Variants in LAMA2 observed in about 807,000 individuals in gnomAD.
LAMA2 encodes the protein laminin subunit alpha-2.
LAMA2 carries 269 observed loss-of-function variants against 364.8 expected under a neutral mutation model. That is an observed-to-expected ratio of 0.74 (90% CI 0.67 to 0.82). The LOEUF is 0.82. Ranked by LOEUF, LAMA2 falls within the 40% of genes least tolerant of loss-of-function variation. The pLI is 0.00. For synonymous variants in LAMA2, 1,379 were observed against 1,370.6 expected (o/e 1.01, Z -0.14); for missense variants, 3,807 against 3,873.2 (o/e 0.98, Z 0.45).
chr6:128,923,659 A>C (rs1272674708), intron 1 of LAMA2, among the ~76,000 whole-genome samples: 4 of 152,190 alleles, frequency 2.6e-5, no homozygotes, highest in Admixed American at 6.5e-5. Context: ...TCTCAATATC[A>C]CTGCTAATTC....
chr6:129,417,174 G>A (rs1480037159), intron 40 of LAMA2, among the ~76,000 whole-genome samples: 1 of 152,068 alleles, frequency 6.6e-6, no homozygotes, highest in Non-Finnish European at 1.5e-5. Flanking sequence ...TTTGCGGGGG[G>A]GTCCCAAGTT....
intron 1 of LAMA2, among the ~76,000 whole-genome samples, chr6:128,911,300 G>A (rs150911283): frequency 3.3e-5 from 5 of 152,288 alleles, no homozygotes; most frequent in South Asian, 2.1e-4. Flanking sequence ...CTCCGTGGGC[G>A]TAGTACCTTC....
intron 15 of LAMA2, among the ~76,000 whole-genome samples, chr6:129,262,878 C>T (rs984249386): frequency 1.3e-5 from 2 of 152,134 alleles, no homozygotes; most frequent in Admixed American, 6.6e-5. Flanking sequence ...AAAAAAGGAT[C>T]AAATGACTCC....
intron 1 of LAMA2, among the ~76,000 whole-genome samples, chr6:128,910,212 G>C (rs201971829): frequency 7.4e-3 from 1,009 of 136,726 alleles, no homozygotes; most frequent in South Asian, 8.9e-3. Flanking sequence ...AGTTCTCCTG[G>C]ATAATATCCT....
At chr6:129,429,711 C>G (rs1389147580) in intron 41 of LAMA2, among the ~76,000 whole-genome samples, 4 of 152,196 alleles carry the variant, frequency 2.6e-5, no homozygotes, top group Admixed American at 2.0e-4. Context: ...GTCACTCCTT[C>G]CTATCTCATA....
At chr6:129,054,728 T>C (rs1000594426) in intron 2 of LAMA2, among the ~76,000 whole-genome samples, 6 of 148,554 alleles carry the variant, frequency 4.0e-5, no homozygotes, top group Non-Finnish European at 5.9e-5. Context: ...TATACACATA[T>C]AAGTATAAAT....
intron 34 of LAMA2, among the ~76,000 whole-genome samples, chr6:129,374,057 G>A (rs1449979971): frequency 6.6e-6 from 1 of 152,156 alleles, no homozygotes; most frequent in Non-Finnish European, 1.5e-5. Flanking sequence ...GGGAGGAAAT[G>A]TAAATACTCA....
At chr6:129,460,400 A>T (rs1249101399) in intron 49 of LAMA2, 76 bp downstream of exon 49, 1 of 1,407,644 alleles carries the variant, frequency 7.1e-7, no homozygotes, top group Non-Finnish European at 1.0e-6. Context: ...ATAATATTCT[A>T]TTATCATGTG....
At chr6:129,337,885 T>C (rs1040887370) in intron 29 of LAMA2, among the ~76,000 whole-genome samples, 2 of 152,126 alleles carry the variant, frequency 1.3e-5, no homozygotes, top group African/African-American at 4.8e-5. Flanking sequence ...GAAAAAATAC[T>C]ATGTACACTA....
chr6:129,118,833 G>C (rs1433971612), intron 4 of LAMA2, among the ~76,000 whole-genome samples: 2 of 152,202 alleles, frequency 1.3e-5, no homozygotes, highest in African/African-American at 2.4e-5. Flanking sequence ...AGAAGGCAAA[G>C]CTGGGACCCT....
At chr6:128,906,005 G>A (rs1393024201) in intron 1 of LAMA2, among the ~76,000 whole-genome samples, 1 of 150,080 alleles carries the variant, frequency 6.7e-6, no homozygotes. Flanking sequence ...TGGTGTATAT[G>A]TGCCACATTT....
chr6:129,012,374 G>A (rs1048303150), intron 1 of LAMA2, among the ~76,000 whole-genome samples: 3 of 152,080 alleles, frequency 2.0e-5, no homozygotes, highest in Admixed American at 6.5e-5. Context: ...AAATAACCCC[G>A]AACTCCTATA....
At chr6:129,489,545 A>C (rs1784758162) in intron 56 of LAMA2, among the ~76,000 whole-genome samples, 1 of 152,224 alleles carries the variant, frequency 6.6e-6, no homozygotes, top group Non-Finnish European at 1.5e-5. Flanking sequence ...TACTTAAGCA[A>C]ATAGGACAAG....
At chr6:129,382,453 A>G (rs557635345) in intron 34 of LAMA2, among the ~76,000 whole-genome samples, 12 of 152,114 alleles carry the variant, frequency 7.9e-5, no homozygotes, top group South Asian at 2.1e-4. Flanking sequence ...ACTCTTTGGG[A>G]GGTGGGGCTG....
intron 51 of LAMA2, among the ~76,000 whole-genome samples, chr6:129,466,667 A>C (rs1330438371): frequency 6.6e-6 from 1 of 151,920 alleles, no homozygotes; most frequent in Non-Finnish European, 1.5e-5. Context: ...AAATTTCTTT[A>C]ATCAGAGAAA....
chr6:129,086,519 G>A (rs1044206060), intron 3 of LAMA2, among the ~76,000 whole-genome samples: 13 of 152,162 alleles, frequency 8.5e-5, no homozygotes, highest in Admixed American at 4.6e-4. Context: ...AATGAGACAT[G>A]AGAATAACCT....
At chr6:129,227,078 A>G (rs141982680) in intron 12 of LAMA2, among the ~76,000 whole-genome samples, 92 of 152,130 alleles carry the variant, frequency 6.0e-4, no homozygotes, top group African/African-American at 2.1e-3. Context: ...CATTTCATTC[A>G]TTTGATCTTC....
rs540043979 is a variant in LAMA2, at chr6:129,139,643, T to G, written c.640-4258T>G. Among the ~76,000 whole-genome samples the G allele has an allele frequency of 2.0e-5, 3 of 152,194 alleles. 1 individual carries two copies. The Middle Eastern group carries it at 0.01, about 518-fold the overall frequency. ...ACTGATGAGGGGTGATGGTACTTCT[T>G]TTTTTACACAGTCAAAATAAAAGAG... On this transcript the variant is annotated intron_variant, in intron 4 of 64. Coordinates refer to ENST00000421865, the MANE Select transcript of LAMA2 (RefSeq NM_000426.4).
intron 8 of LAMA2, among the ~76,000 whole-genome samples, chr6:129,156,884 G>A (rs1361006710): frequency 1.3e-5 from 2 of 151,968 alleles, no homozygotes; most frequent in Non-Finnish European, 2.9e-5. Flanking sequence ...GTCAGATATT[G>A]CATTTTTAAA....
Sources: allele counts gnomAD v4.1 joint callset (sites outside exome capture counted in the v4.1 genomes callset), GRCh38; gene constraint gnomAD v4.1.1; transcripts MANE v1.5; gene names NCBI Gene and HGNC (gene_info 2026-07-23, HGNC 2026-07-21).